Variants in BLOC1S6 observed in about 807,000 individuals in gnomAD.
The protein encoded by BLOC1S6 is biogenesis of lysosome-related organelles complex 1 subunit 6.
A neutral mutation model predicts 24.7 loss-of-function variants in BLOC1S6; 24 were observed. The ratio of observed to expected loss-of-function variants is 0.97; its 90% CI spans 0.70 to 1.37. The LOEUF (loss-of-function observed/expected upper bound fraction) is 1.37, where lower values mean the gene tolerates loss of function less well. Ranked by LOEUF, BLOC1S6 falls within the 40% of genes most tolerant of loss-of-function variation. The pLI, the probability that BLOC1S6 is intolerant of heterozygous loss-of-function variation, is 0.00. For synonymous variants in BLOC1S6, 76 were observed against 72.6 expected (o/e 1.05, Z -0.23); for missense variants, 175 against 196.2 (o/e 0.89, Z 0.64).
chr15:45,605,612 G>A (rs1318008749), intron 4 of BLOC1S6, 98 bp downstream of exon 4: 34 of 995,950 alleles, frequency 3.4e-5, no homozygotes, highest in Admixed American at 2.0e-4. Flanking sequence ...TTTTTGAGAC[G>A]GAGTTTTGCT....
chr15:45,596,853 T>C (rs1253011893), intron 2 of BLOC1S6, among the ~76,000 whole-genome samples: 2 of 152,100 alleles, frequency 1.3e-5, no homozygotes, highest in African/African-American at 4.8e-5. Flanking sequence ...TTTTTGTATT[T>C]TTTATAGAGA....
Position 45,606,377 on chromosome 15 carries a change from A to T in BLOC1S6, c.400-18A>T, listed in dbSNP as rs568005634. The T allele has an allele frequency of 1.9e-6, 3 of 1,567,212 alleles. No individual in the cohort carries two copies. Among genetic ancestry groups the T allele is most frequent in the Non-Finnish European group, 1.7e-6 (2 of 1,145,626 alleles). Reference sequence around the variant, plus strand: ...CCCTGATTGCTCTCTTGGTTTTTAAATTTTTTTTTTAACACAGAAAAGAGC... The same window carrying T: ...CCCTGATTGCTCTCTTGGTTTTTAATTTTTTTTTTTAACACAGAAAAGAGC... On this transcript the variant is annotated intron_variant, in intron 4 of 4. Coordinates refer to ENST00000220531, the MANE Select transcript of BLOC1S6 (RefSeq NM_012388.4).
intron 4 of BLOC1S6, 76 bp downstream of exon 4, chr15:45,605,590 G>A (rs1423685549): frequency 9.2e-7 from 1 of 1,085,964 alleles, no homozygotes; most frequent in African/African-American, 1.7e-5. Flanking sequence ...TTTTTTTTCA[G>A]TATTCTTTTT....
At position 45,606,366 on chromosome 15, in the gene BLOC1S6, T is replaced by C. The variant is rs547865364; in HGVS notation, c.400-29T>C. On this transcript the variant is annotated intron_variant, in intron 4 of 4. Transcript: ENST00000220531. ...AAACCTGTAACCCCTGATTGCTCTC[T>C]TGGTTTTTAAATTTTTTTTTTAACA... 110 of 1,612,124 alleles carry C rather than the reference T, an allele frequency of 6.8e-5. 1 individual carries two copies. In the South Asian group the frequency reaches 1.2e-3, roughly 17 times the overall value.
rs1050762162 is a variant in BLOC1S6 at position 45,606,461 on chromosome 15, A to G, written c.466A>G (p.Lys156Glu). Reference protein sequence around the residue: ...EELEREQQREKEFEREKQLTA... With the variant: ...EELEREQQREEEFEREKQLTA... ...GTTGGAAAGGGAGCAGCAACGAGAG[A>G]AGGAGTTTGAAAGAGAAAAGCAGTT... Residue 156 changes from lysine (K) to glutamate (E), a missense_variant, in exon 5 of 5, where the codon AAG becomes GAG. Coordinates refer to ENST00000220531, the MANE Select transcript of BLOC1S6 (RefSeq NM_012388.4). The G allele has an allele frequency of 6.2e-7, 1 of 1,614,054 alleles. No individual in the cohort carries two copies. The highest frequency in any genetic ancestry group is 1.3e-5 in the African/African-American group (1 of 74,930).
At chr15:45,596,961 C>T (rs1024846009) in intron 2 of BLOC1S6, among the ~76,000 whole-genome samples, 6 of 152,192 alleles carry the variant, frequency 3.9e-5, no homozygotes, top group Non-Finnish European at 8.8e-5. Flanking sequence ...AGGAGTGAGT[C>T]ACTGTGCCTG....
intron 1 of BLOC1S6, among the ~76,000 whole-genome samples, chr15:45,590,884 A>G (rs1361198611): frequency 6.6e-6 from 1 of 152,240 alleles, no homozygotes; most frequent in East Asian, 1.9e-4. Flanking sequence ...TCATAATTTT[A>G]GTGTATAATT....
intron 1 of BLOC1S6, among the ~76,000 whole-genome samples, chr15:45,591,502 A>G (rs554459045): frequency 9.9e-5 from 15 of 151,742 alleles, no homozygotes; most frequent in Non-Finnish European, 2.1e-4. Context: ...GTGCGATCAT[A>G]GCTCGCTGCA....
Position 45,606,468 on chromosome 15 carries a change from T to C in BLOC1S6, c.473T>C (p.Phe158Ser). The C allele has an allele frequency of 6.2e-7, 1 of 1,614,100 alleles. No homozygotes were observed. Among genetic ancestry groups the C allele is most frequent in the Non-Finnish European group, 8.5e-7 (1 of 1,180,022 alleles). ...AGGGAGCAGCAACGAGAGAAGGAGTTTGAAAGAGAAAAGCAGTTAACTGCC... is the reference window on the plus strand; with the variant it reads ...AGGGAGCAGCAACGAGAGAAGGAGTCTGAAAGAGAAAAGCAGTTAACTGCC... ...LEREQQREKE[F>S]EREKQLTARP... The change falls in exon 5 of 5, where the codon TTT becomes TCT. Residue 158 changes from phenylalanine (F) to serine (S), a missense_variant. By Grantham distance (155) the Phe-to-Ser change is radical (BLOSUM62 -2). Transcript: ENST00000220531.
At chr15:45,592,723 T>C (rs1302756580) in intron 2 of BLOC1S6, among the ~76,000 whole-genome samples, 1 of 152,218 alleles carries the variant, frequency 6.6e-6, no homozygotes, top group Non-Finnish European at 1.5e-5. Context: ...TCCCAGTAGA[T>C]AACTTTACTA....
chr15:45,587,448 G>A lies in BLOC1S6; in HGVS notation c.5G>A (p.Ser2Asn). The A allele has an allele frequency of 1.3e-6, 2 of 1,578,144 alleles. No individual in the cohort carries two copies. The highest frequency in any genetic ancestry group is 1.8e-5 in the Admixed American group (1 of 55,304). Residue 2 changes from serine (S) to asparagine (N), a missense_variant, in exon 1 of 5, where the codon AGT (serine) becomes AAT (asparagine). Coordinates refer to ENST00000220531, the MANE Select transcript of BLOC1S6 (RefSeq NM_012388.4). ...TGTGTTCCCAGCTGGAGGGACATGAGTGTCCCTGGGCCGTCGTCTCCGGAC... is the reference window on the plus strand; with the variant it reads ...TGTGTTCCCAGCTGGAGGGACATGAATGTCCCTGGGCCGTCGTCTCCGGAC... M[S>N]VPGPSSPDGA...
intron 1 of BLOC1S6, among the ~76,000 whole-genome samples, chr15:45,591,259 C>CA (rs1296870095): frequency 6.6e-6 from 1 of 152,114 alleles, no homozygotes; most frequent in Non-Finnish European, 1.5e-5. Flanking sequence ...CGAACTATAT[C>CA]AAAATCGATG....
At chr15:45,600,331 TAA>T (rs201154291) in intron 2 of BLOC1S6, among the ~76,000 whole-genome samples, 38 of 144,882 alleles carry the variant, frequency 2.6e-4, no homozygotes, top group African/African-American at 8.5e-4. Context: ...TAAAGTATAA[TAA>T]AAAAAAAAAG....
At chr15:45,593,671 G>T (rs1407243252) in intron 2 of BLOC1S6, among the ~76,000 whole-genome samples, 1 of 152,138 alleles carries the variant, frequency 6.6e-6, no homozygotes, top group African/African-American at 2.4e-5. Context: ...AATTGATGAT[G>T]ATATTGTCTA....
rs1344914331 is a variant in BLOC1S6 at position 45,595,155 on chromosome 15, GAC to G, written c.224+2881_224+2882del. On this transcript the variant is annotated intron_variant, in intron 2 of 4. Coordinates refer to ENST00000220531, the MANE Select transcript of BLOC1S6 (RefSeq NM_012388.4). ...CATGCCACTGTGCCCTAGCCTGGGT[GAC>G]AGAGTGAGACCCTATCTCAACAACA... 2.0e-5 allele frequency among the ~76,000 whole-genome samples: 3 copies of G among 152,168 alleles called. No individual in the cohort carries two copies. In the East Asian group the frequency reaches 5.8e-4, roughly 29 times the overall value.
intron 2 of BLOC1S6, among the ~76,000 whole-genome samples, chr15:45,600,546 A>G (rs1488586592): frequency 1.3e-5 from 2 of 152,202 alleles, no homozygotes; most frequent in Non-Finnish European, 2.9e-5. Context: ...CTTTTTCTAC[A>G]TCAATTGATA....
chr15:45,609,053 AT>A lies in BLOC1S6; in HGVS notation c.*2540del, dbSNP rs773617591. 2.0e-5 allele frequency: 3 copies of A among 152,256 alleles called. No homozygotes were observed. The highest frequency in any genetic ancestry group is 4.4e-5 in the Non-Finnish European group (3 of 68,040). 9.4% of individuals were successfully genotyped at this position (152,256 alleles called of 1,614,324 possible). A position where few individuals can be genotyped will look rare whatever the true frequency, so the allele number is the denominator to read the frequency against. On this transcript the variant is annotated 3_prime_UTR_variant, in exon 5 of 5. Transcript: ENST00000220531. Reference sequence around the variant, plus strand: ...TTTCAGTTTTGAAGATTTAAAAAAAATGTGAAAATAAATATATATTAGTATC... The same window carrying A: ...TTTCAGTTTTGAAGATTTAAAAAAAAGTGAAAATAAATATATATTAGTATC...
chr15:45,597,421 GA>G (rs1894118770), intron 2 of BLOC1S6, among the ~76,000 whole-genome samples: 1 of 152,184 alleles, frequency 6.6e-6, no homozygotes, highest in South Asian at 2.1e-4. Flanking sequence ...AGGCTGCAGT[GA>G]ACTATGATCA....
intron 1 of BLOC1S6, among the ~76,000 whole-genome samples, chr15:45,591,742 G>C (rs539650949): frequency 6.6e-6 from 1 of 152,278 alleles, no homozygotes; most frequent in South Asian, 2.1e-4. Context: ...TAAAGATACA[G>C]AATTTTGTGT....
Sources: gnomAD v4.1 joint callset for allele counts (sites outside exome capture counted in the v4.1 genomes callset) on GRCh38, gnomAD v4.1.1 for gene constraint, MANE v1.5 for transcripts, NCBI Gene and HGNC (gene_info 2026-07-23, HGNC 2026-07-21) for gene names.